Variants in PPP3R1 observed in about 807,000 individuals in gnomAD.
PPP3R1 encodes the protein calcineurin subunit B type 1.
In PPP3R1, 5 loss-of-function variants were observed where a neutral mutation model predicts 22.6. The observed-to-expected ratio is 0.22, with a 90% CI of 0.12 to 0.46. The LOEUF (loss-of-function observed/expected upper bound fraction) is 0.46. Ranked by LOEUF, PPP3R1 falls within the 20% of genes least tolerant of loss-of-function variation. PPP3R1 has a pLI of 0.99. For missense variants in PPP3R1, 61 were observed against 203.2 expected, an observed-to-expected ratio of 0.30 and a Z score of 4.25; for synonymous variants, 56 against 65.2, an observed-to-expected ratio of 0.86 and a Z score of 0.68.
intron 1 of PPP3R1, among the ~76,000 whole-genome samples, chr2:68,243,513 A>G (rs1401964777): frequency 6.6e-6 from 1 of 152,200 alleles, no homozygotes; most frequent in African/African-American, 2.4e-5. Flanking sequence ...CGCTTTATCC[A>G]TTATACTTCA....
chr2:68,250,899 C>T (rs372185693), intron 1 of PPP3R1: 2 of 152,184 alleles, frequency 1.3e-5, no homozygotes, highest in Non-Finnish European at 2.9e-5. Flanking sequence ...AGCATTCCTC[C>T]CTTCAGTAAT....
chr2:68,206,238 T>C (rs1225457958), intron 2 of PPP3R1, among the ~76,000 whole-genome samples: 2 of 152,008 alleles, frequency 1.3e-5, no homozygotes, highest in Non-Finnish European at 1.5e-5. Flanking sequence ...TGAAGACATA[T>C]GGGAAAATAA....
intron 5 of PPP3R1, among the ~76,000 whole-genome samples, chr2:68,185,987 AAAG>A (rs1674537058): frequency 6.6e-6 from 1 of 151,704 alleles, no homozygotes; most frequent in Non-Finnish European, 1.5e-5. Context: ...TTAAAAATAA[AAAG>A]GAGGAAGAAA....
At chr2:68,196,955 C>T (rs888281056) in intron 2 of PPP3R1, among the ~76,000 whole-genome samples, 7 of 152,152 alleles carry the variant, frequency 4.6e-5, no homozygotes, top group Admixed American at 2.0e-4. Flanking sequence ...GAACTTCTGA[C>T]CTCAGGTGAT....
chr2:68,246,121 C>T (rs1670233277), intron 1 of PPP3R1, among the ~76,000 whole-genome samples: 1 of 118,518 alleles, frequency 8.4e-6, no homozygotes, highest in Non-Finnish European at 1.6e-5. Context: ...GTCGTCCAAG[C>T]TGGAGTGCAC....
chr2:68,186,349 A>G lies in PPP3R1; in HGVS notation c.465+119T>C. On this transcript the variant is annotated intron_variant, in intron 5 of 5. Coordinates refer to ENST00000234310, the MANE Select transcript of PPP3R1 (RefSeq NM_000945.4). ...AACACATTTCAAAACAATACGGGCA[A>G]TTAGGAAAAATCAAATACTTAAGTT... is the stretch of plus-strand genomic sequence containing the variant. The G allele has an allele frequency of 6.5e-6, 6 of 917,974 alleles. No homozygotes were observed. In the Admixed American group the frequency reaches 1.7e-4, roughly 26 times the overall value. The allele number at this position is 917,974 out of a possible 1,614,324, so 56.9% of individuals were successfully genotyped here.
chr2:68,185,023 A>C (rs989574722), intron 5 of PPP3R1, among the ~76,000 whole-genome samples: 1 of 152,200 alleles, frequency 6.6e-6, no homozygotes, highest in Non-Finnish European at 1.5e-5. Flanking sequence ...GATCGAGACC[A>C]TCCTGGCCAA....
intron 1 of PPP3R1, among the ~76,000 whole-genome samples, chr2:68,223,193 AAGACC>A (rs1373075042): frequency 6.6e-6 from 1 of 152,138 alleles, no homozygotes; most frequent in Admixed American, 6.5e-5. Context: ...TCAGGAGTTC[AAGACC>A]AGCCTGGCCA....
chr2:68,198,922 T>C (rs1041015979), intron 2 of PPP3R1, among the ~76,000 whole-genome samples: 4 of 152,154 alleles, frequency 2.6e-5, no homozygotes, highest in Non-Finnish European at 5.9e-5. Context: ...TATTTTACAA[T>C]TTTACTCTAT....
At chr2:68,195,933 T>A (rs535316578) in intron 2 of PPP3R1, among the ~76,000 whole-genome samples, 6 of 152,002 alleles carry the variant, frequency 3.9e-5, no homozygotes, top group Non-Finnish European at 8.8e-5. Context: ...CACCATAATA[T>A]GTTCAAGGCT....
chr2:68,251,726 A>C (rs1399176268), intron 1 of PPP3R1, among the ~76,000 whole-genome samples: 2 of 152,132 alleles, frequency 1.3e-5, no homozygotes, highest in Non-Finnish European at 2.9e-5. Flanking sequence ...CTCGAACTCG[A>C]AAAACAGAGT....
intron 1 of PPP3R1, among the ~76,000 whole-genome samples, chr2:68,231,591 G>A (rs929803519): frequency 6.6e-6 from 1 of 152,130 alleles, no homozygotes; most frequent in Non-Finnish European, 1.5e-5. Flanking sequence ...ACATGTACAA[G>A]TAGTGCTTTA....
intron 5 of PPP3R1, among the ~76,000 whole-genome samples, chr2:68,182,312 A>G (rs1232346358): frequency 6.6e-6 from 1 of 152,108 alleles, no homozygotes; most frequent in East Asian, 1.9e-4. Context: ...CTGCTGTGGG[A>G]AAAAAAGCAG....
chr2:68,199,806 C>A (rs781190247), intron 2 of PPP3R1, among the ~76,000 whole-genome samples: 4 of 152,048 alleles, frequency 2.6e-5, no homozygotes, highest in African/African-American at 9.7e-5. Flanking sequence ...TGTGTTTTAT[C>A]ATCCTTTTTA....
chr2:68,190,555 A>G (rs992047437), intron 2 of PPP3R1, among the ~76,000 whole-genome samples: 1 of 152,096 alleles, frequency 6.6e-6, no homozygotes, highest in Non-Finnish European at 1.5e-5. Context: ...GACAAAAGGG[A>G]AACTCCGTCT....
chr2:68,202,406 T>G (rs1054586952), intron 2 of PPP3R1, among the ~76,000 whole-genome samples: 1 of 146,126 alleles, frequency 6.8e-6, no homozygotes, highest in African/African-American at 2.5e-5. Context: ...TTTTTCGTTT[T>G]TTGTTGTTGT....
intron 1 of PPP3R1, among the ~76,000 whole-genome samples, chr2:68,233,182 G>C (rs1020635512): frequency 6.6e-6 from 1 of 152,160 alleles, no homozygotes; most frequent in South Asian, 2.1e-4. Context: ...AATGCAAAGA[G>C]ATGTTTCCAC....
intron 1 of PPP3R1, among the ~76,000 whole-genome samples, chr2:68,229,872 G>GTGTA (rs1303586809): frequency 1.3e-5 from 2 of 151,748 alleles, no homozygotes; most frequent in African/African-American, 2.4e-5. Flanking sequence ...GTGTGTGTGT[G>GTGTA]TGTATGTATG....
chr2:68,200,282 G>A (rs1038932320), intron 2 of PPP3R1, among the ~76,000 whole-genome samples: 2 of 152,108 alleles, frequency 1.3e-5, no homozygotes, highest in African/African-American at 4.8e-5. Context: ...CTGTGATTGT[G>A]TTTTGTTTTC....
Sources: allele counts gnomAD v4.1 joint callset (sites outside exome capture counted in the v4.1 genomes callset), GRCh38; gene constraint gnomAD v4.1.1; transcripts MANE v1.5; gene names NCBI Gene and HGNC (gene_info 2026-07-23, HGNC 2026-07-21).